Variants in GLIS1 observed in about 807,000 individuals in gnomAD.
GLIS1 encodes the protein zinc finger protein GLIS1.
In GLIS1, 24 loss-of-function variants were observed where a neutral mutation model predicts 63.8. That is an observed-to-expected ratio of 0.38 (90% CI 0.27 to 0.53). The LOEUF (loss-of-function observed/expected upper bound fraction) is 0.53, where lower values mean the gene tolerates loss of function less well. GLIS1 is among the 20% of genes least tolerant of loss of function. The probability of loss-of-function intolerance (pLI) is 0.85; values close to 1 mark genes in which losing one functional copy is unlikely to be tolerated. For missense variants in GLIS1, 1,036 were observed against 1,074.1 expected (o/e 0.96, Z 0.50); for synonymous variants, 450 against 482.5 (o/e 0.93, Z 0.88).
At chr1:53,632,598 GAC>G (rs1164993714) in intron 2 of GLIS1, among the ~76,000 whole-genome samples, 2 of 148,550 alleles carry the variant, frequency 1.3e-5, no homozygotes, top group African/African-American at 2.5e-5. Context: ...GTGACTGAGG[GAC>G]ATGTGAATGA....
At chr1:53,654,296 G>A (rs1165906298) in intron 2 of GLIS1, among the ~76,000 whole-genome samples, 1 of 152,168 alleles carries the variant, frequency 6.6e-6, no homozygotes, top group African/African-American at 2.4e-5. Flanking sequence ...TCTACTATTC[G>A]TGTGGAGAGC....
chr1:53,701,977 A>C (rs1170477579), intron 2 of GLIS1, among the ~76,000 whole-genome samples: 1 of 145,712 alleles, frequency 6.9e-6, no homozygotes, highest in Non-Finnish European at 1.5e-5. Context: ...TGGGTGACAG[A>C]GCAAGGCTCT....
chr1:53,538,143 G>C lies in GLIS1; in HGVS notation c.1321-8191C>G, dbSNP rs77533457. 5.3e-4 allele frequency among the ~76,000 whole-genome samples: 81 copies of C among 152,342 alleles called. No homozygotes were observed. The East Asian group carries it at 0.015, about 28-fold the overall frequency. On this transcript the variant is annotated intron_variant, in intron 4 of 10. Transcript: ENST00000628545. ...TCCTTGAGGGTCTCCTCAGAGTTTG[G>C]GGCTTCGCCAGTCCTCTGTGGGGAG... is the stretch of plus-strand genomic sequence containing the variant.
chr1:53,601,194 G>C (rs927391288), intron 2 of GLIS1, among the ~76,000 whole-genome samples: 5 of 152,158 alleles, frequency 3.3e-5, no homozygotes, highest in African/African-American at 1.2e-4. Context: ...CCATAACTCA[G>C]ACAAATCCCT....
At chr1:53,576,126 G>T (rs72675196) in intron 4 of GLIS1, among the ~76,000 whole-genome samples, 2 of 151,036 alleles carry the variant, frequency 1.3e-5, no homozygotes, top group African/African-American at 2.4e-5. Context: ...CGTGTACCCC[G>T]GGTACTTCAC....
chr1:53,721,902 C>A (rs17388507), intron 2 of GLIS1, among the ~76,000 whole-genome samples: 1 of 151,960 alleles, frequency 6.6e-6, no homozygotes, highest in African/African-American at 2.4e-5. Flanking sequence ...ATATTAGTAA[C>A]AAATATGATG....
At chr1:53,623,461 T>TC (rs1645566062) in intron 2 of GLIS1, among the ~76,000 whole-genome samples, 1 of 152,104 alleles carries the variant, frequency 6.6e-6, no homozygotes, top group Non-Finnish European at 1.5e-5. Flanking sequence ...GCTGAATGTT[T>TC]CCCCCCAAGA....
rs1645013807 is a variant in GLIS1 at position 53,574,549 on chromosome 1, G to T, written c.1320+19559C>A. On this transcript the variant is annotated intron_variant, in intron 4 of 10. Transcript: ENST00000628545. This position sits in a 1 kb window ranked among gnomAD's most constrained non-coding sequence, Gnocchi z 4.2. Reference sequence around the variant, plus strand: ...TACAGGTGAGGAAACAGAAGCTTCAGAAAGGTAAAGTGACTTTCCCCCGGT... The same window carrying T: ...TACAGGTGAGGAAACAGAAGCTTCATAAAGGTAAAGTGACTTTCCCCCGGT... Among the ~76,000 whole-genome samples the T allele has an allele frequency of 6.6e-6, 1 of 152,234 alleles. No homozygotes were observed. Among genetic ancestry groups the T allele is most frequent in the South Asian group, 2.1e-4 (1 of 4,830 alleles).
chr1:53,699,292 G>A (rs188908651), intron 2 of GLIS1, among the ~76,000 whole-genome samples: 1 of 152,228 alleles, frequency 6.6e-6, no homozygotes, highest in Non-Finnish European at 1.5e-5. Flanking sequence ...TCGAACTCCT[G>A]AACTCAGATG....
chr1:53,544,150 A>C (rs550834862), intron 4 of GLIS1, among the ~76,000 whole-genome samples: 2 of 152,360 alleles, frequency 1.3e-5, no homozygotes, highest in East Asian at 1.9e-4. Flanking sequence ...TTTGGCTTCT[A>C]AAATTAAGGA....
At chr1:53,632,088 G>C (rs575643324) in intron 2 of GLIS1, among the ~76,000 whole-genome samples, 3 of 151,862 alleles carry the variant, frequency 2.0e-5, no homozygotes, top group East Asian at 3.9e-4. Context: ...GTGTGACTGA[G>C]GGGTGTGTGA....
At chr1:53,512,517 G>A (rs937213106) in intron 8 of GLIS1, among the ~76,000 whole-genome samples, 1 of 152,144 alleles carries the variant, frequency 6.6e-6, no homozygotes, top group Non-Finnish European at 1.5e-5. Flanking sequence ...AGCCACGAGT[G>A]GCCGTTCCTT....
chr1:53,551,748 G>A (rs1431990833), intron 4 of GLIS1, among the ~76,000 whole-genome samples: 3 of 151,982 alleles, frequency 2.0e-5, no homozygotes, highest in African/African-American at 4.8e-5. Flanking sequence ...GCCATTCAAG[G>A]CCCCTGTGTC....
intron 4 of GLIS1, among the ~76,000 whole-genome samples, chr1:53,543,050 T>C (rs1259196167): frequency 2.0e-5 from 3 of 152,170 alleles, no homozygotes; most frequent in Non-Finnish European, 4.4e-5. Context: ...CATGCAACTA[T>C]GAGAGAAGAT....
chr1:53,692,547 A>G (rs7555711), intron 2 of GLIS1, among the ~76,000 whole-genome samples: 37,955 of 152,084 alleles, frequency 0.25, 5,052 homozygotes, highest in African/African-American at 0.35. Flanking sequence ...GGGTGCCACT[A>G]TTGTCCCTGA....
chr1:53,514,775 T>C lies in GLIS1; in HGVS notation c.1733A>G (p.Tyr578Cys), dbSNP rs746710540. The C allele has an allele frequency of 1.9e-5, 31 of 1,591,132 alleles. No individual in the cohort carries two copies. The South Asian group carries it at 3.2e-4, about 16-fold the overall frequency. ...GTTATGGGGGGTGATGGAGCCAGGA[T>C]ACACACCTGCAGGGAATCAAACAAG... ...GLGQELLPGV[Y>C]PGSITPHNGL... Residue 578 changes from tyrosine to cysteine, a missense_variant, in exon 8 of 11, where the codon TAT (tyrosine) becomes TGT (cysteine). Tyr to Cys is a radical substitution (Grantham distance 194). Around this residue, in one of 3 missense-constraint regions of GLIS1, gnomAD observed 400 missense variants for 400.9 expected, o/e 1.00. Transcript: ENST00000628545.
chr1:53,704,685 C>T (rs745328062), intron 2 of GLIS1, among the ~76,000 whole-genome samples: 20 of 152,130 alleles, frequency 1.3e-4, no homozygotes, highest in African/African-American at 3.1e-4. Context: ...CAAGGGAAGC[C>T]GGAGGACAGC....
chr1:53,614,238 A>G (rs1645455396), intron 2 of GLIS1, among the ~76,000 whole-genome samples: 1 of 152,238 alleles, frequency 6.6e-6, no homozygotes, highest in Non-Finnish European at 1.5e-5. Flanking sequence ...ATATACTGTA[A>G]TATCAGGAAC....
intron 2 of GLIS1, among the ~76,000 whole-genome samples, chr1:53,640,551 T>A (rs1362200522): frequency 6.6e-6 from 1 of 152,048 alleles, no homozygotes; most frequent in African/African-American, 2.4e-5. Context: ...GCCTGTAGGG[T>A]GGCTGTTTAG....
Sources: gnomAD v4.1 joint callset for allele counts (sites outside exome capture counted in the v4.1 genomes callset) on GRCh38, gnomAD v4.1.1 for gene constraint, gnomAD v4.1.1 regional missense constraint, Gnocchi (gnomAD v3.1) non-coding constraint, MANE v1.5 for transcripts, NCBI Gene and HGNC (gene_info 2026-07-23, HGNC 2026-07-21) for gene names.